The following TEX14 variants were observed in gnomAD, a reference collection of about 807,000 sequenced individuals.
The protein encoded by TEX14 is testis expressed 14, intercellular bridge forming factor.
A neutral mutation model predicts 178.6 loss-of-function variants in TEX14; 168 were observed. The ratio of observed to expected loss-of-function variants is 0.94; its 90% CI spans 0.83 to 1.07. TEX14 has a LOEUF of 1.07. Among genes scored for constraint, TEX14 ranks in the 50% least tolerant of loss-of-function variants. The pLI, the probability that TEX14 is intolerant of heterozygous loss-of-function variation, is 0.00. For missense variants in TEX14, 1,730 were observed against 1,753.6 expected, an observed-to-expected ratio of 0.99 and a Z score of 0.24; for synonymous variants, 626 against 634.1, an observed-to-expected ratio of 0.99 and a Z score of 0.19.
chr17:58,577,237 C>T, intron 21 of TEX14, 138 bp downstream of exon 21: 1 of 367,840 alleles, frequency 2.7e-6, no homozygotes, highest in Non-Finnish European at 4.7e-6. Context: ...CCTAACACAG[C>T]TAAGCTGCCC....
chr17:58,637,930 C>T (rs906402435), intron 2 of TEX14, among the ~76,000 whole-genome samples: 2 of 149,020 alleles, frequency 1.3e-5, no homozygotes, highest in Admixed American at 6.8e-5. Flanking sequence ...GGTGCGATCT[C>T]GGCTCACTGC....
chr17:58,680,092 C>T (rs895600160), intron 1 of TEX14, among the ~76,000 whole-genome samples: 1 of 151,442 alleles, frequency 6.6e-6, no homozygotes, highest in Non-Finnish European at 1.5e-5. Flanking sequence ...TTTTTTTTTC[C>T]CCCCAGAGAC....
chr17:58,589,861 A>G (rs942592258), intron 15 of TEX14, among the ~76,000 whole-genome samples: 1 of 151,650 alleles, frequency 6.6e-6, no homozygotes, highest in Non-Finnish European at 1.5e-5. Context: ...CACCACAGCC[A>G]GCTAGTTTTT....
Position 58,601,804 on chromosome 17 carries a change from A to G in TEX14, c.1678+2T>C, listed in dbSNP as rs777876828. 1 of 1,612,070 alleles carries G rather than the reference A, an allele frequency of 6.2e-7. No homozygotes were observed. The highest frequency in any genetic ancestry group is 8.5e-7 in the Non-Finnish European group (1 of 1,179,664). ...AACACAACCTGTGAATTAAGGCCAT[A>G]CCCATTTCCTTTAGTTCTATGATTT... On this transcript the variant is annotated splice_donor_variant, in intron 13 of 31. Coordinates refer to ENST00000349033, the MANE Select transcript of TEX14 (RefSeq NM_031272.5). LOFTEE classifies it high-confidence loss of function.
chr17:58,646,820 C>T (rs1301547511), intron 2 of TEX14, among the ~76,000 whole-genome samples: 5 of 152,122 alleles, frequency 3.3e-5, no homozygotes, highest in Non-Finnish European at 5.9e-5. Context: ...TCCCAAAGGG[C>T]ACAGTCATAA....
At position 58,611,274 on chromosome 17, in the gene TEX14, G is replaced by T. The variant is rs751314059; in HGVS notation, c.1071C>A (p.Ala357=). 3 of 1,612,866 alleles carry T rather than the reference G, an allele frequency of 1.9e-6. No individual in the cohort carries two copies. The highest frequency in any genetic ancestry group is 2.5e-6 in the Non-Finnish European group (3 of 1,179,050). Residue 357 remains alanine, a synonymous_variant, in exon 10 of 32, where the codon GCC becomes GCA. Coordinates refer to ENST00000349033, the MANE Select transcript of TEX14 (RefSeq NM_031272.5). The stretch of plus-strand genomic sequence containing the variant: ...ACCCCTGGAAATGCAGGTATCTCAG[G>T]GCATCAGATATCTGGAGCAGCAGGT... ...IVHLLLQISD[A]LRYLHFQGFI... is the part of the protein sequence containing the mutation.
intron 1 of TEX14, among the ~76,000 whole-genome samples, chr17:58,690,660 C>A (rs954841068): frequency 6.6e-6 from 1 of 152,106 alleles, no homozygotes; most frequent in Non-Finnish European, 1.5e-5. Context: ...ATCCACTGAG[C>A]GCTCAAATAT....
chr17:58,683,882 T>A (rs1177536107), intron 1 of TEX14, among the ~76,000 whole-genome samples: 1 of 150,832 alleles, frequency 6.6e-6, no homozygotes, highest in African/African-American at 2.4e-5. Context: ...CTGGCCAACA[T>A]GATGAAACCC....
chr17:58,622,971 A>C lies in TEX14; in HGVS notation c.293T>G (p.Phe98Cys). 6.2e-7 allele frequency: 1 copy of C among 1,610,526 alleles called. No homozygotes were observed. The highest frequency in any genetic ancestry group is 8.5e-7 in the Non-Finnish European group (1 of 1,176,962). Reference protein sequence around the residue: ...DGSTPVHAAAFSGNQWILSKL... With the variant: ...DGSTPVHAAACSGNQWILSKL... The stretch of plus-strand genomic sequence containing the variant: ...GCTAAGGATCCACTGATTGCCCGAA[A>C]ATGCTGCTGCATGGACAGGGGTGCT... Residue 98 changes from phenylalanine to cysteine, a missense_variant, in exon 4 of 32, where the codon TTT (phenylalanine) becomes TGT (cysteine). By Grantham distance (205) the Phe-to-Cys change is radical. Coordinates refer to ENST00000349033, the MANE Select transcript of TEX14 (RefSeq NM_031272.5).
At chr17:58,677,584 T>C (rs772380304) in intron 1 of TEX14, 2 of 152,162 alleles carry the variant, frequency 1.3e-5, no homozygotes, top group Non-Finnish European at 1.5e-5. Flanking sequence ...CAGGGGAAAG[T>C]GTGAACACAG....
chr17:58,622,734 A>C (rs1261432112), intron 4 of TEX14, 113 bp downstream of exon 4: 1 of 1,056,188 alleles, frequency 9.5e-7, no homozygotes, highest in Admixed American at 2.6e-5. Flanking sequence ...CAAGCCTGAG[A>C]CTCCAGTACC....
intron 19 of TEX14, chr17:58,581,663 G>A: frequency 6.2e-7 from 1 of 1,613,732 alleles, no homozygotes; most frequent in Admixed American, 1.7e-5. Flanking sequence ...TTCACCGTCT[G>A]GAGTTAAAAA....
intron 1 of TEX14, among the ~76,000 whole-genome samples, chr17:58,687,673 A>C (rs2047624773): frequency 6.6e-6 from 1 of 152,118 alleles, no homozygotes; most frequent in African/African-American, 2.4e-5. Context: ...TTAGGCTAAA[A>C]AAAAAATAAA....
Position 58,684,630 on chromosome 17 carries a change from CAAATAAATAAATAAATAAATAAATAAAT to C in TEX14, c.-2+7281_-2+7308del, listed in dbSNP as rs3031764. On this transcript the variant is annotated intron_variant, in intron 1 of 31. Transcript: ENST00000349033. ...CCTGGGCGACAGTGAGACCCTGTCT[CAAATAAATAAATAAATAAATAAATAAAT>C]AAATAAATAAATAAATAAATAAAAA... Among the ~76,000 whole-genome samples, 102 of 140,440 alleles carry C rather than the reference CAAATAAATAAATAAATAAATAAATAAAT, an allele frequency of 7.3e-4. 1 individual carries two copies. Among genetic ancestry groups the C allele is most frequent in the African/African-American group, 2.6e-3 (97 of 37,464 alleles). The allele number at this position is 140,440 out of a possible 152,430, so 92.1% of individuals were successfully genotyped here.
At chr17:58,661,018 A>G in intron 1 of TEX14, 1 of 1,160,000 alleles carries the variant, frequency 8.6e-7, no homozygotes, top group Non-Finnish European at 1.3e-6. Flanking sequence ...GAAGAAGATA[A>G]TATTCACGAA....
chr17:58,639,846 G>T (rs1419556925), intron 2 of TEX14, among the ~76,000 whole-genome samples: 1 of 152,200 alleles, frequency 6.6e-6, no homozygotes, highest in African/African-American at 2.4e-5. Context: ...ACCGTGGCAG[G>T]AAAGGGAACA....
Position 58,593,670 on chromosome 17 carries a change from G to A in TEX14, c.2470-9C>T. ...TCACAAAGAGTCGGCAGCTTAAAAA[G>A]CAATAAACATGTTTCAGGGCTTTGA... On this transcript the variant is annotated splice_polypyrimidine_tract_variant and intron_variant, in intron 14 of 31. Coordinates refer to ENST00000349033, the MANE Select transcript of TEX14 (RefSeq NM_031272.5). 6.2e-7 allele frequency: 1 copy of A among 1,610,462 alleles called. No individual in the cohort carries two copies. Among genetic ancestry groups the A allele is most frequent in the Non-Finnish European group, 8.5e-7 (1 of 1,176,762 alleles).
chr17:58,661,312 GT>G, intron 1 of TEX14: 1 of 841,404 alleles, frequency 1.2e-6, no homozygotes, highest in South Asian at 1.3e-5. Flanking sequence ...GCTTACGGGG[GT>G]TGACTTGTTT....
chr17:58,583,837 A>G (rs1248697687), intron 19 of TEX14, among the ~76,000 whole-genome samples: 1 of 152,258 alleles, frequency 6.6e-6, no homozygotes, highest in African/African-American at 2.4e-5. Context: ...ATTAAATACA[A>G]TAGGTCAAAA....
Sources: allele counts gnomAD v4.1 joint callset (sites outside exome capture counted in the v4.1 genomes callset), GRCh38; gene constraint gnomAD v4.1.1; transcripts MANE v1.5; gene names NCBI Gene and HGNC (gene_info 2026-07-23, HGNC 2026-07-21).